Variants in UBTD2 observed in about 807,000 individuals in gnomAD.
UBTD2 encodes the protein ubiquitin domain-containing protein 2.
UBTD2 carries 9 observed loss-of-function variants against 19.8 expected under a neutral mutation model. The ratio of observed to expected loss-of-function variants is 0.46; its 90% CI spans 0.27 to 0.79. UBTD2 has a LOEUF of 0.79. Among genes scored for constraint, UBTD2 ranks in the 30% least tolerant of loss-of-function variants. The pLI is 0.14. For missense variants in UBTD2, 250 were observed against 300.4 expected (o/e 0.83, Z 1.24); for synonymous variants, 98 against 103.9 (o/e 0.94, Z 0.35).
In UBTD2 at chr5:172,261,481, C is replaced by A. The variant is rs966559556; in HGVS notation, c.70+22115G>T. On this transcript the variant is annotated intron_variant, in intron 1 of 2. Coordinates refer to ENST00000393792, the MANE Select transcript of UBTD2 (RefSeq NM_152277.3). ...AATGGAGTTTTAAGCTGAAAACATT[C>A]GGTCTGGGATAGAAGGCAAAGGTAA... Among the ~76,000 whole-genome samples, 4 of 152,146 alleles carry A rather than the reference C, an allele frequency of 2.6e-5. No homozygotes were observed. In the East Asian group the frequency reaches 7.7e-4, roughly 29 times the overall value.
intron 1 of UBTD2, among the ~76,000 whole-genome samples, chr5:172,259,752 G>A (rs1211080095): frequency 6.6e-6 from 1 of 151,922 alleles, no homozygotes; most frequent in South Asian, 2.1e-4. Context: ...TAAGCTTTTG[G>A]ACTGTATCAA....
Position 172,234,202 on chromosome 5 carries a change from G to A in UBTD2, c.227C>T (p.Ala76Val), listed in dbSNP as rs994485265. 3 of 1,614,024 alleles carry A rather than the reference G, an allele frequency of 1.9e-6. No homozygotes were observed. The highest frequency in any genetic ancestry group is 3.3e-5 in the Admixed American group (2 of 59,992). Reference sequence around the variant, plus strand: ...ATTGCTCTCAAAAGCATGTGCAGCAGCCTTCAAGGCATCCCAAATCTCTTT... The same window carrying A: ...ATTGCTCTCAAAAGCATGTGCAGCAACCTTCAAGGCATCCCAAATCTCTTT... The part of the protein sequence containing the change: ...GRKEIWDALK[A>V]AAHAFESNDH... Residue 76 changes from alanine (A) to valine (V), a missense_variant, in exon 2 of 3, where the codon GCT becomes GTT. By Grantham distance (64) the Ala-to-Val change is moderately conservative (BLOSUM62 0). Transcript: ENST00000393792.
At chr5:172,262,667 TA>T (rs1755294976) in intron 1 of UBTD2, among the ~76,000 whole-genome samples, 1 of 151,236 alleles carries the variant, frequency 6.6e-6, no homozygotes, top group South Asian at 2.1e-4. Flanking sequence ...CAAAAAAAAT[TA>T]GCCAGGCGTG....
intron 1 of UBTD2, among the ~76,000 whole-genome samples, chr5:172,248,055 TCATA>T (rs1459639667): frequency 6.6e-6 from 1 of 151,806 alleles, no homozygotes; most frequent in Non-Finnish European, 1.5e-5. Flanking sequence ...ACTAATACAC[TCATA>T]CAATGAATGG....
At chr5:172,257,317 CCTT>C (rs1291159355) in intron 1 of UBTD2, among the ~76,000 whole-genome samples, 3 of 152,198 alleles carry the variant, frequency 2.0e-5, no homozygotes, top group Non-Finnish European at 2.9e-5. Flanking sequence ...GACATGACCT[CCTT>C]CTTTTTATAG....
Position 172,239,546 on chromosome 5 carries a change from G to A in UBTD2, c.71-5188C>T, listed in dbSNP as rs369319763. Among the ~76,000 whole-genome samples, 14 of 151,792 alleles carry A rather than the reference G, an allele frequency of 9.2e-5. No individual in the cohort carries two copies. The South Asian group carries it at 2.7e-3, about 29-fold the overall frequency. On this transcript the variant is annotated intron_variant, in intron 1 of 2. Coordinates refer to ENST00000393792, the MANE Select transcript of UBTD2 (RefSeq NM_152277.3). ...TGTGATTCTCCTGCCTCAGCCTCCC[G>A]AGTAGCCGGGATTACAGGCGCCTGC... is the stretch of plus-strand genomic sequence containing the variant.
chr5:172,248,243 T>C (rs1182044557), intron 1 of UBTD2, among the ~76,000 whole-genome samples: 1 of 152,158 alleles, frequency 6.6e-6, no homozygotes, highest in African/African-American at 2.4e-5. Flanking sequence ...CCTAACTTCA[T>C]GCCTCAAGGA....
intron 1 of UBTD2, among the ~76,000 whole-genome samples, chr5:172,280,102 C>G (rs1351406122): frequency 7.5e-6 from 1 of 133,916 alleles, no homozygotes; most frequent in Non-Finnish European, 1.6e-5. Flanking sequence ...AACGACGTCT[C>G]AAAAAAAAAA....
intron 1 of UBTD2, among the ~76,000 whole-genome samples, chr5:172,273,074 C>G (rs1485679414): frequency 6.9e-6 from 1 of 144,008 alleles, no homozygotes; most frequent in Non-Finnish European, 1.5e-5. Flanking sequence ...AAGCCTCCGT[C>G]TCTCCGTCTC....
At chr5:172,212,321 T>C (rs192946908) in intron 2 of UBTD2, 94 bp from the exon 3 acceptor site, 15 of 1,372,148 alleles carry the variant, frequency 1.1e-5, no homozygotes, top group African/African-American at 8.7e-5. Context: ...CTTGCTAGCA[T>C]GGCACTGTAG....
intron 1 of UBTD2, among the ~76,000 whole-genome samples, chr5:172,274,272 C>A (rs1755562947): frequency 6.6e-6 from 1 of 151,642 alleles, no homozygotes; most frequent in South Asian, 2.1e-4. Context: ...TCCCAAGTAG[C>A]TAGGACTACA....
chr5:172,213,156 G>C (rs1771482340), intron 2 of UBTD2, among the ~76,000 whole-genome samples: 1 of 148,634 alleles, frequency 6.7e-6, no homozygotes, highest in East Asian at 2.0e-4. Context: ...ACGCCTGGGT[G>C]ATTTTTGTAT....
rs1215882840 is a variant in UBTD2, at chr5:172,283,726, CGCT to C, written c.-64_-62del. 5.4e-6 allele frequency: 6 copies of C among 1,113,446 alleles called. No homozygotes were observed. The highest frequency in any genetic ancestry group is 4.6e-5 in the Admixed American group (1 of 21,582). 69.0% of individuals were successfully genotyped at this position (1,113,446 alleles called of 1,614,324 possible). A position where few individuals can be genotyped will look rare whatever the true frequency, so the allele number is the denominator to read the frequency against. On this transcript the variant is annotated 5_prime_UTR_variant, in exon 1 of 3. Coordinates refer to ENST00000393792, the MANE Select transcript of UBTD2 (RefSeq NM_152277.3). This position sits in a 1 kb window ranked among gnomAD's most constrained non-coding sequence, Gnocchi z 4.3. ...GCTCGTCCGGGCCCGCCGCCGCCGC[CGCT>C]GCAGCCTCCTCCGGCGCCACCGCCG... is the stretch of plus-strand genomic sequence containing the variant.
chr5:172,225,059 C>T (rs1771738211), intron 2 of UBTD2, among the ~76,000 whole-genome samples: 1 of 152,114 alleles, frequency 6.6e-6, no homozygotes, highest in East Asian at 1.9e-4. Context: ...AGATTGCTCA[C>T]CTAACATCCT....
intron 1 of UBTD2, among the ~76,000 whole-genome samples, chr5:172,260,388 A>C (rs1755243268): frequency 6.6e-6 from 1 of 152,070 alleles, no homozygotes; most frequent in African/African-American, 2.4e-5. Context: ...CCAGCTGAAA[A>C]ACCTATCTTT....
At chr5:172,245,082 T>C (rs6898388) in intron 1 of UBTD2, among the ~76,000 whole-genome samples, 45,206 of 151,998 alleles carry the variant, frequency 0.3, 6,856 homozygotes, top group South Asian at 0.42. Context: ...AGTGGACACA[T>C]AACACTCAAT....
intron 1 of UBTD2, among the ~76,000 whole-genome samples, chr5:172,276,434 T>C (rs1755604731): frequency 6.6e-6 from 1 of 152,312 alleles, no homozygotes; most frequent in Non-Finnish European, 1.5e-5. Flanking sequence ...ACCCCATGCA[T>C]GTATTGTTTA....
At chr5:172,281,832 G>A (rs746615419) in intron 1 of UBTD2, among the ~76,000 whole-genome samples, 7 of 152,124 alleles carry the variant, frequency 4.6e-5, no homozygotes, top group Non-Finnish European at 8.8e-5. Context: ...AAATAAAGAC[G>A]TTTGGTGGTT....
chr5:172,262,709 G>A (rs1755296096), intron 1 of UBTD2, among the ~76,000 whole-genome samples: 1 of 151,958 alleles, frequency 6.6e-6, no homozygotes, highest in Non-Finnish European at 1.5e-5. Flanking sequence ...CAGCTACTTG[G>A]GAGGCTGAGG....
Sources: gnomAD v4.1 joint callset for allele counts (sites outside exome capture counted in the v4.1 genomes callset) on GRCh38, gnomAD v4.1.1 for gene constraint, Gnocchi (gnomAD v3.1) non-coding constraint, MANE v1.5 for transcripts, NCBI Gene and HGNC (gene_info 2026-07-23, HGNC 2026-07-21) for gene names.